Variants in KLHL29 observed in about 807,000 individuals in gnomAD.
KLHL29 encodes the protein kelch-like protein 29.
Under a neutral mutation model 80.4 loss-of-function variants are expected in KLHL29, and 21 were observed. The ratio of observed to expected loss-of-function variants is 0.26; its 90% CI spans 0.19 to 0.38. The LOEUF is 0.38. Ranked by LOEUF, KLHL29 falls within the 10% of genes least tolerant of loss-of-function variation. KLHL29 has a pLI of 1.00. For missense variants in KLHL29, 867 were observed against 1,223.9 expected, an observed-to-expected ratio of 0.71 and a Z score of 4.35; for synonymous variants, 511 against 526.8, an observed-to-expected ratio of 0.97 and a Z score of 0.41.
At chr2:23,419,382 C>A (rs962651881) in intron 1 of KLHL29, among the ~76,000 whole-genome samples, 2 of 152,030 alleles carry the variant, frequency 1.3e-5, no homozygotes, top group African/African-American at 2.4e-5. Flanking sequence ...TGGAGGGTCC[C>A]ACCTGGGGAG....
intron 1 of KLHL29, among the ~76,000 whole-genome samples, chr2:23,461,777 C>T (rs1403989322): frequency 2.6e-5 from 4 of 151,902 alleles, no homozygotes; most frequent in Non-Finnish European, 5.9e-5. Flanking sequence ...TAAAGTAGAT[C>T]TCAGTGCACA....
At chr2:23,493,165 G>A (rs1665155703) in intron 2 of KLHL29, among the ~76,000 whole-genome samples, 1 of 152,138 alleles carries the variant, frequency 6.6e-6, no homozygotes. Flanking sequence ...CTCAGTGTTT[G>A]CCCCAACCTG....
At chr2:23,515,654 A>C (rs1316872700) in intron 2 of KLHL29, among the ~76,000 whole-genome samples, 2 of 152,252 alleles carry the variant, frequency 1.3e-5, no homozygotes, top group Non-Finnish European at 2.9e-5. Flanking sequence ...TTCCTGGCCC[A>C]CAGAAGGTCT....
intron 3 of KLHL29, among the ~76,000 whole-genome samples, chr2:23,592,241 G>A (rs188004327): frequency 1.6e-4 from 5 of 31,884 alleles, no homozygotes; most frequent in African/African-American, 5.1e-4. Flanking sequence ...TCAGAAGCCC[G>A]GCCATCAGGC....
At chr2:23,405,706 G>C (rs1021762200) in intron 1 of KLHL29, among the ~76,000 whole-genome samples, 5 of 152,132 alleles carry the variant, frequency 3.3e-5, no homozygotes, top group African/African-American at 9.7e-5. Flanking sequence ...CCCATCCTAG[G>C]GGTTCTAGGA....
At chr2:23,505,315 G>A (rs888115629) in intron 2 of KLHL29, among the ~76,000 whole-genome samples, 9 of 152,132 alleles carry the variant, frequency 5.9e-5, no homozygotes, top group African/African-American at 1.2e-4. Flanking sequence ...CTGCCTCCCC[G>A]ACCTCCGTGG....
At chr2:23,649,953 G>A (rs1031555065) in intron 5 of KLHL29, among the ~76,000 whole-genome samples, 6 of 152,176 alleles carry the variant, frequency 3.9e-5, no homozygotes, top group African/African-American at 1.2e-4. Context: ...CTCCCTCCCT[G>A]CTGCACCACC....
intron 2 of KLHL29, among the ~76,000 whole-genome samples, chr2:23,559,148 C>T (rs1187937856): frequency 6.6e-6 from 1 of 152,118 alleles, no homozygotes; most frequent in Non-Finnish European, 1.5e-5. Flanking sequence ...GGCAAAAGAG[C>T]AGCGTGGACT....
chr2:23,557,326 A>G (rs1008447293), intron 2 of KLHL29, among the ~76,000 whole-genome samples: 3 of 152,316 alleles, frequency 2.0e-5, no homozygotes, highest in African/African-American at 2.4e-5. Flanking sequence ...ACTCAGGGTA[A>G]ACCGTGCAAC....
At chr2:23,432,667 C>T (rs961892281) in intron 1 of KLHL29, among the ~76,000 whole-genome samples, 2 of 152,244 alleles carry the variant, frequency 1.3e-5, no homozygotes, top group South Asian at 4.1e-4. Context: ...TCAGGGAAAC[C>T]TCTCTGAGGA....
intron 3 of KLHL29, among the ~76,000 whole-genome samples, chr2:23,637,298 G>A (rs2288697): frequency 0.094 from 14,326 of 152,130 alleles, 1,691 homozygotes; most frequent in East Asian, 0.46. Context: ...CCTTCAGACA[G>A]GGCACTCGTT....
At chr2:23,423,819 C>T (rs564259160) in intron 1 of KLHL29, among the ~76,000 whole-genome samples, 1 of 152,352 alleles carries the variant, frequency 6.6e-6, no homozygotes, top group Admixed American at 6.5e-5. Flanking sequence ...AACGATGTGT[C>T]CGCATAGGCC....
At chr2:23,582,856 C>A (rs1031372189) in intron 3 of KLHL29, among the ~76,000 whole-genome samples, 1 of 152,200 alleles carries the variant, frequency 6.6e-6, no homozygotes, top group Non-Finnish European at 1.5e-5. Context: ...TATGTCCACC[C>A]AGAATATCTA....
intron 1 of KLHL29, among the ~76,000 whole-genome samples, chr2:23,410,414 C>T (rs1207837074): frequency 6.6e-6 from 1 of 152,026 alleles, no homozygotes; most frequent in Non-Finnish European, 1.5e-5. Flanking sequence ...TGGTGCTGTG[C>T]TGGGCACTGG....
intron 1 of KLHL29, among the ~76,000 whole-genome samples, chr2:23,435,826 TGCCCCAGCAATGAATG>T (rs1663323498): frequency 6.6e-6 from 1 of 152,122 alleles, no homozygotes; most frequent in South Asian, 2.1e-4. Context: ...TGGAACCCTT[TGCCCCAGCAATGAATG>T]GCCCCAGGCT....
chr2:23,475,853 A>G (rs1364483741), intron 2 of KLHL29, among the ~76,000 whole-genome samples, 186 bp downstream of exon 2: 1 of 152,224 alleles, frequency 6.6e-6, no homozygotes, highest in Non-Finnish European at 1.5e-5. Flanking sequence ...TAGCTAAGCC[A>G]TTTTAGCCTC....
intron 7 of KLHL29, among the ~76,000 whole-genome samples, chr2:23,692,078 A>G (rs967367029): frequency 6.6e-6 from 1 of 152,214 alleles, no homozygotes; most frequent in Non-Finnish European, 1.5e-5. Flanking sequence ...CATGGAATGA[A>G]GAGGACTCCG....
chr2:23,553,559 C>T (rs1667182356), intron 2 of KLHL29, among the ~76,000 whole-genome samples: 1 of 152,198 alleles, frequency 6.6e-6, no homozygotes, highest in Non-Finnish European at 1.5e-5. Flanking sequence ...AACACCTCAC[C>T]CCCTGAGGAA....
intron 1 of KLHL29, among the ~76,000 whole-genome samples, chr2:23,414,803 G>A (rs1334095246): frequency 6.6e-6 from 1 of 152,242 alleles, no homozygotes; most frequent in African/African-American, 2.4e-5. Context: ...CATGCAGTGA[G>A]TTTTTCATAG....
Sources: allele counts gnomAD v4.1 joint callset (sites outside exome capture counted in the v4.1 genomes callset), GRCh38; gene constraint gnomAD v4.1.1; transcripts MANE v1.5; gene names NCBI Gene and HGNC (gene_info 2026-07-23, HGNC 2026-07-21).